Variants in SLC35F1 observed in about 807,000 individuals in gnomAD.
The protein encoded by SLC35F1 is chromosome 6 open reading frame 169.
Under a neutral mutation model 48.7 loss-of-function variants are expected in SLC35F1, and 14 were observed. The observed-to-expected ratio is 0.29, with a 90% CI of 0.19 to 0.45. The LOEUF (loss-of-function observed/expected upper bound fraction) is 0.45. Ranked by LOEUF, SLC35F1 falls within the 20% of genes least tolerant of loss-of-function variation. The probability of loss-of-function intolerance (pLI) is 1.00; values close to 1 mark genes in which losing one functional copy is unlikely to be tolerated. For missense variants in SLC35F1, 404 were observed against 500.0 expected (o/e 0.81, Z 1.83); for synonymous variants, 190 against 202.2 (o/e 0.94, Z 0.51).
In SLC35F1 at chr6:118,148,058, A is replaced by G. The variant is rs141920600; in HGVS notation, c.174-6387A>G. Among the ~76,000 whole-genome samples, 184 of 152,334 alleles carry G rather than the reference A, an allele frequency of 1.2e-3. 1 individual carries two copies. The highest frequency in any genetic ancestry group is 4.3e-3 in the African/African-American group (179 of 41,588). On this transcript the variant is annotated intron_variant, in intron 1 of 7. Coordinates refer to ENST00000360388, the MANE Select transcript of SLC35F1 (RefSeq NM_001029858.4). ...GCAAACAAGAATCTTGTCAAAGAAC[A>G]TGGTAGAACACGCTTCTCCCACTTT...
chr6:118,237,531 A>G (rs1184564494), intron 3 of SLC35F1, among the ~76,000 whole-genome samples: 1 of 152,184 alleles, frequency 6.6e-6, no homozygotes, highest in African/African-American at 2.4e-5. Flanking sequence ...CTGGGACTAC[A>G]GGCACATGCC....
chr6:117,998,255 G>GATTCATAA (rs1184467642), intron 1 of SLC35F1, among the ~76,000 whole-genome samples: 1 of 144,890 alleles, frequency 6.9e-6, no homozygotes, highest in African/African-American at 2.6e-5. Context: ...CCCAATACAG[G>GATTCATAA]AGCACCCAGA....
chr6:118,278,396 T>A (rs1302548652), intron 6 of SLC35F1, among the ~76,000 whole-genome samples: 1 of 152,224 alleles, frequency 6.6e-6, no homozygotes, highest in Non-Finnish European at 1.5e-5. Context: ...GATACAACTT[T>A]AGCCAAATTC....
chr6:118,190,240 G>C (rs1255844041), intron 2 of SLC35F1, among the ~76,000 whole-genome samples: 2 of 152,128 alleles, frequency 1.3e-5, no homozygotes, highest in African/African-American at 2.4e-5. Context: ...AGGAACAAGG[G>C]TTCCTCCTTA....
chr6:117,934,785 A>G (rs192206352), intron 1 of SLC35F1, among the ~76,000 whole-genome samples: 1 of 152,314 alleles, frequency 6.6e-6, no homozygotes, highest in East Asian at 1.9e-4. Flanking sequence ...AGTTCAGTGT[A>G]TAACCTGTTA....
intron 1 of SLC35F1, among the ~76,000 whole-genome samples, chr6:117,954,038 T>C (rs1165083280): frequency 1.3e-5 from 2 of 152,186 alleles, no homozygotes; most frequent in African/African-American, 4.8e-5. Context: ...TTAGGTTGTA[T>C]AAGCAATTAT....
chr6:117,966,128 A>ACCCCCCCCCCCCCCCCCC (rs1776560909), intron 1 of SLC35F1, among the ~76,000 whole-genome samples: 1 of 17,212 alleles, frequency 5.8e-5, no homozygotes, highest in Admixed American at 5.9e-4. Flanking sequence ...AAAGCAGGCC[A>ACCCCCCCCCCCCCCCCCC]CCGCCCCCCC....
At chr6:117,962,022 T>C (rs1277462146) in intron 1 of SLC35F1, among the ~76,000 whole-genome samples, 1 of 152,250 alleles carries the variant, frequency 6.6e-6, no homozygotes, top group African/African-American at 2.4e-5. Flanking sequence ...TGTCTGATGA[T>C]ACTATTGAAG....
At chr6:118,279,845 C>T (rs1775960313) in intron 6 of SLC35F1, among the ~76,000 whole-genome samples, 1 of 152,190 alleles carries the variant, frequency 6.6e-6, no homozygotes, top group Non-Finnish European at 1.5e-5. Context: ...CAATGAATTT[C>T]TCTGCCTCCC....
At chr6:117,917,122 A>C (rs777426415) in intron 1 of SLC35F1, among the ~76,000 whole-genome samples, 4 of 152,190 alleles carry the variant, frequency 2.6e-5, no homozygotes, top group Non-Finnish European at 5.9e-5. Context: ...CTCTGATGAC[A>C]CTGAAGCTAA....
intron 1 of SLC35F1, among the ~76,000 whole-genome samples, chr6:117,994,465 C>A (rs1776959644): frequency 6.6e-6 from 1 of 152,136 alleles, no homozygotes; most frequent in Non-Finnish European, 1.5e-5. Flanking sequence ...TTTGGGAAGC[C>A]ATTTTGCCTT....
chr6:118,061,590 G>GTATATATATA (rs58046512), intron 1 of SLC35F1, among the ~76,000 whole-genome samples: 74 of 144,416 alleles, frequency 5.1e-4, no homozygotes, highest in African/African-American at 1.7e-3. Context: ...GTGTGTGTGT[G>GTATATATATA]TATATATATA....
intron 3 of SLC35F1, among the ~76,000 whole-genome samples, chr6:118,246,950 G>C (rs1434572103): frequency 6.6e-6 from 1 of 152,132 alleles, no homozygotes; most frequent in Admixed American, 6.5e-5. Flanking sequence ...GCTTGCCTGA[G>C]ATCCATATGA....
chr6:117,998,981 A>G, intron 1 of SLC35F1: 7 of 1,160,040 alleles, frequency 6.0e-6, no homozygotes, highest in Non-Finnish European at 9.0e-6. Flanking sequence ...AGACATGGCC[A>G]AGTCCAAGAA....
intron 6 of SLC35F1, 81 bp from the exon 7 acceptor site, chr6:118,285,103 C>A: frequency 2.7e-6 from 4 of 1,495,722 alleles, no homozygotes; most frequent in Non-Finnish European, 3.7e-6. Context: ...GGTGTGCACT[C>A]TTCCCCTTCT....
chr6:118,044,979 T>G (rs940774992), intron 1 of SLC35F1, among the ~76,000 whole-genome samples: 1 of 152,204 alleles, frequency 6.6e-6, no homozygotes, highest in Non-Finnish European at 1.5e-5. Context: ...TGTACTATTA[T>G]GTTATATAGT....
At chr6:118,251,231 G>A (rs1335460035) in intron 3 of SLC35F1, among the ~76,000 whole-genome samples, 1 of 152,140 alleles carries the variant, frequency 6.6e-6, no homozygotes, top group Admixed American at 6.5e-5. Flanking sequence ...CTTCAGCCTG[G>A]GTGACGGAGT....
At chr6:117,923,421 G>A (rs944491670) in intron 1 of SLC35F1, among the ~76,000 whole-genome samples, 1 of 151,132 alleles carries the variant, frequency 6.6e-6, no homozygotes, top group Non-Finnish European at 1.5e-5. Context: ...CCTTGCAAAA[G>A]TGGGTTCAGT....
At chr6:118,173,066 A>G (rs571070206) in intron 2 of SLC35F1, among the ~76,000 whole-genome samples, 1 of 152,256 alleles carries the variant, frequency 6.6e-6, no homozygotes, top group African/African-American at 2.4e-5. Flanking sequence ...ACAGCACATC[A>G]TCTTTAATCC....
Sources: gnomAD v4.1 joint callset for allele counts (sites outside exome capture counted in the v4.1 genomes callset) on GRCh38, gnomAD v4.1.1 for gene constraint, MANE v1.5 for transcripts, NCBI Gene and HGNC (gene_info 2026-07-23, HGNC 2026-07-21) for gene names.